The following B3GALT1 variants were observed in gnomAD, a reference collection of about 807,000 sequenced individuals.
B3GALT1 encodes beta-1,3-galactosyltransferase 1.
B3GALT1 carries 10 observed loss-of-function variants against 23.2 expected under a neutral mutation model. The observed-to-expected ratio is 0.43, with a 90% CI of 0.27 to 0.73. B3GALT1 has a LOEUF of 0.73. Among genes scored for constraint, B3GALT1 ranks in the 30% least tolerant of loss-of-function variants. B3GALT1 has a pLI of 0.21. For missense variants in B3GALT1, 299 were observed against 405.4 expected, an observed-to-expected ratio of 0.74 and a Z score of 2.25; for synonymous variants, 156 against 141.5, an observed-to-expected ratio of 1.10 and a Z score of -0.73.
intron 3 of B3GALT1, among the ~76,000 whole-genome samples, chr2:167,767,381 G>A (rs186998156): frequency 1.3e-5 from 2 of 152,206 alleles, no homozygotes; most frequent in Admixed American, 6.5e-5. Flanking sequence ...TTTTTGTAAA[G>A]TATCAATGAT....
At chr2:167,301,954 A>G (rs1696454278) in intron 1 of B3GALT1, among the ~76,000 whole-genome samples, 1 of 152,224 alleles carries the variant, frequency 6.6e-6, no homozygotes, top group South Asian at 2.1e-4. Context: ...AGGGTGTATC[A>G]AGATACTTAA....
chr2:167,626,314 C>G, intron 2 of B3GALT1, among the ~76,000 whole-genome samples: 1 of 151,584 alleles, frequency 6.6e-6, no homozygotes, highest in African/African-American at 2.4e-5. Flanking sequence ...TTGCCTTCCT[C>G]CATTAAATAT....
At chr2:167,546,118 G>A (rs567585531) in intron 2 of B3GALT1, among the ~76,000 whole-genome samples, 2 of 152,158 alleles carry the variant, frequency 1.3e-5, no homozygotes, top group Non-Finnish European at 2.9e-5. Context: ...TTGGGATAAG[G>A]TTTGCTTAGT....
At chr2:167,786,664 A>G (rs1368320807) in intron 3 of B3GALT1, among the ~76,000 whole-genome samples, 4 of 152,232 alleles carry the variant, frequency 2.6e-5, no homozygotes, top group Non-Finnish European at 5.9e-5. Context: ...TAACTGAAAC[A>G]TCAAGGATGT....
At chr2:167,752,694 C>T (rs768756322) in intron 3 of B3GALT1, among the ~76,000 whole-genome samples, 1 of 151,062 alleles carries the variant, frequency 6.6e-6, no homozygotes, top group African/African-American at 2.4e-5. Context: ...TTAACATCTC[C>T]TAGGTGAACA....
intron 3 of B3GALT1, among the ~76,000 whole-genome samples, chr2:167,659,823 T>C (rs1686024835): frequency 6.6e-6 from 1 of 152,002 alleles, no homozygotes; most frequent in African/African-American, 2.4e-5. Context: ...AGAGAGAATC[T>C]CCTCTCTTCT....
chr2:167,335,792 G>A (rs1851757), intron 1 of B3GALT1, among the ~76,000 whole-genome samples: 1,766 of 152,184 alleles, frequency 0.012, 34 homozygotes, highest in African/African-American at 0.039. Flanking sequence ...TGTTTTATCA[G>A]TAATGTCTTT....
At chr2:167,842,428 C>A (rs968303951) in intron 4 of B3GALT1, among the ~76,000 whole-genome samples, 5 of 152,282 alleles carry the variant, frequency 3.3e-5, no homozygotes, top group Middle Eastern at 3.4e-3. Flanking sequence ...TGAAATAAAT[C>A]GTAAGTGACT....
chr2:167,293,520 C>T (rs1402932226), intron 1 of B3GALT1, among the ~76,000 whole-genome samples, 186 bp downstream of exon 1: 8 of 152,148 alleles, frequency 5.3e-5, no homozygotes, highest in Admixed American at 5.2e-4. Flanking sequence ...CTCCCTTCCG[C>T]GCTCACAGAC....
At chr2:167,639,740 T>G (rs547849040) in intron 2 of B3GALT1, among the ~76,000 whole-genome samples, 1 of 152,188 alleles carries the variant, frequency 6.6e-6, no homozygotes, top group East Asian at 1.9e-4. Context: ...GTGTAAATGA[T>G]GTATCATTCC....
At chr2:167,855,621 G>C (rs1169235416) in intron 4 of B3GALT1, among the ~76,000 whole-genome samples, 1 of 152,128 alleles carries the variant, frequency 6.6e-6, no homozygotes, top group Non-Finnish European at 1.5e-5. Context: ...AATCCATCCA[G>C]CTATGAAAAT....
At chr2:167,865,029 C>A (rs7598325) in intron 4 of B3GALT1, among the ~76,000 whole-genome samples, 9,487 of 152,008 alleles carry the variant, frequency 0.062, 326 homozygotes, top group South Asian at 0.11. Flanking sequence ...TATATTTCTC[C>A]TTTTTTAGCT....
In B3GALT1 at chr2:167,664,319, C is replaced by A. The variant is rs529577577; in HGVS notation, c.-352+17353C>A. Among the ~76,000 whole-genome samples, 218 of 151,488 alleles carry A rather than the reference C, an allele frequency of 1.4e-3. 7 individuals are homozygous for A. Among genetic ancestry groups the A allele is most frequent in the African/African-American group, 4.7e-3 (191 of 40,856 alleles). ...GGGCTCTGTTCTGTTCCATTGATCT[C>A]TATCTCTGTTTTGGTACCAGTACCA... On this transcript the variant is annotated intron_variant, in intron 3 of 4. Transcript: ENST00000392690.
At chr2:167,626,593 G>GA (rs1297471941) in intron 2 of B3GALT1, among the ~76,000 whole-genome samples, 7 of 151,144 alleles carry the variant, frequency 4.6e-5, no homozygotes, top group African/African-American at 1.5e-4. Context: ...CAAAGACCCA[G>GA]AAAAAAAACC....
chr2:167,775,508 G>T (rs1489349877), intron 3 of B3GALT1, among the ~76,000 whole-genome samples: 5 of 151,092 alleles, frequency 3.3e-5, no homozygotes, highest in Non-Finnish European at 7.4e-5. Context: ...GGCAGAGGTT[G>T]CAGTGAGCCG....
intron 2 of B3GALT1, among the ~76,000 whole-genome samples, chr2:167,563,383 G>A (rs1458985438): frequency 1.5e-4 from 21 of 136,812 alleles, no homozygotes; most frequent in East Asian, 1.3e-3. Context: ...CCTCCCTCCC[G>A]GACGGGGCGG....
chr2:167,587,065 A>T (rs942969514), intron 2 of B3GALT1, among the ~76,000 whole-genome samples: 1 of 152,010 alleles, frequency 6.6e-6, no homozygotes, highest in Non-Finnish European at 1.5e-5. Flanking sequence ...GCTTATTTTA[A>T]CCCCTCCTCT....
intron 1 of B3GALT1, among the ~76,000 whole-genome samples, chr2:167,296,561 A>G (rs1422076876): frequency 6.6e-6 from 1 of 152,212 alleles, no homozygotes; most frequent in Non-Finnish European, 1.5e-5. Context: ...GCCATGCTGC[A>G]TTTGAAACAA....
At chr2:167,665,720 ATTTCT>A (rs1259018883) in intron 3 of B3GALT1, among the ~76,000 whole-genome samples, 1 of 152,000 alleles carries the variant, frequency 6.6e-6, no homozygotes, top group Non-Finnish European at 1.5e-5. Context: ...GAATTTATCC[ATTTCT>A]TTTAGATTTT....
Sources: allele counts gnomAD v4.1 joint callset (sites outside exome capture counted in the v4.1 genomes callset), GRCh38; gene constraint gnomAD v4.1.1; transcripts MANE v1.5; gene names NCBI Gene and HGNC (gene_info 2026-07-23, HGNC 2026-07-21).